MBD3L2: variants seen among roughly 807,000 people sequenced by gnomAD.
The protein encoded by MBD3L2 is methyl-CpG binding domain protein 3 like 2.
For missense variants in MBD3L2, 71 were observed against 84.0 expected, an observed-to-expected ratio of 0.85 and a Z score of 0.60; for synonymous variants, 20 against 33.9, an observed-to-expected ratio of 0.59 and a Z score of 1.42.
At chr19:7,049,769 TA>T (rs568341060) in intron 1 of MBD3L2, among the ~76,000 whole-genome samples, 3,116 of 136,088 alleles carry the variant, frequency 0.023, 1 homozygote, top group African/African-American at 0.078. Flanking sequence ...TTGGTCCCTT[TA>T]AAAAAAAATT....
Position 7,051,567 on chromosome 19 carries a change from A to C in MBD3L2, c.572A>C (p.Lys191Thr). The C allele has an allele frequency of 1.4e-6, 1 of 719,276 alleles. No homozygotes were observed. The highest frequency in any genetic ancestry group is 2.7e-5 in the East Asian group (1 of 37,418). 44.6% of individuals were successfully genotyped at this position (719,276 alleles called of 1,614,324 possible). The change falls in exon 2 of 2, where the codon AAG (lysine) becomes ACG (threonine). Residue 191 changes from lysine (K) to threonine (T), a missense_variant. Coordinates refer to ENST00000381393, the MANE Select transcript of MBD3L2 (RefSeq NM_144614.4). ...RVKKARERLA[K>T]ALQADRLARR... ...AAGAAAGCCAGGGAGAGACTGGCCA[A>C]GGCCTTGCAGGCAGACAGGCTGGCC...
intron 1 of MBD3L2, among the ~76,000 whole-genome samples, chr19:7,050,284 G>A (rs1599823622): frequency 1.4e-5 from 2 of 139,104 alleles, no homozygotes; most frequent in Admixed American, 1.5e-4. Flanking sequence ...AATCTTAGGA[G>A]GGGCTTAATC....
rs1264619727 is a variant in MBD3L2, at chr19:7,051,408, C to G, written c.413C>G (p.Pro138Arg). The G allele has an allele frequency of 2.9e-6, 2 of 687,832 alleles. No homozygotes were observed. Among genetic ancestry groups the G allele is most frequent in the East Asian group, 2.7e-5 (1 of 36,704 alleles). The allele number at this position is 687,832 out of a possible 1,614,324, so 42.6% of individuals were successfully genotyped here. ...GCTGGTGCTGAGCGTGTGCGCAGCC[C>G]GCTTGAGCCCACCCCTGGGCGGTTT... Reference protein sequence around the residue: ...DRAGAERVRSPLEPTPGRFPA... With the variant: ...DRAGAERVRSRLEPTPGRFPA... Residue 138 changes from proline (P) to arginine (R), a missense_variant, in exon 2 of 2, where the codon CCG (proline) becomes CGG (arginine). Transcript: ENST00000381393.
rs1336359925 is a variant in MBD3L2, at chr19:7,051,700, T to C, written c.*78T>C. 8 of 711,226 alleles carry C rather than the reference T, an allele frequency of 1.1e-5. No homozygotes were observed. In the African/African-American group the frequency reaches 1.2e-4, roughly 11 times the overall value. The allele number at this position is 711,226 out of a possible 1,614,324, so 44.1% of individuals were successfully genotyped here. A position where few individuals can be genotyped will look rare whatever the true frequency, so the allele number is the denominator to read the frequency against. ...ACTCTGAATTGTCACACTTTTCCCT[T>C]CCCCACCAGTTCTTTAATAAAAGTA... On this transcript the variant is annotated 3_prime_UTR_variant, in exon 2 of 2. Coordinates refer to ENST00000381393, the MANE Select transcript of MBD3L2 (RefSeq NM_144614.4).
Position 7,051,588 on chromosome 19 carries a change from T to G in MBD3L2, c.593T>G (p.Leu198Arg), listed in dbSNP as rs1599824236. The G allele has an allele frequency of 2.8e-6, 2 of 722,556 alleles. No homozygotes were observed. Among genetic ancestry groups the G allele is most frequent in the Non-Finnish European group, 5.1e-6 (2 of 388,694 alleles). The allele number at this position is 722,556 out of a possible 1,614,324, so 44.8% of individuals were successfully genotyped here. A position where few individuals can be genotyped will look rare whatever the true frequency, so the allele number is the denominator to read the frequency against. ...RLAKALQADR[L>R]ARRAEMLTGG ...GCCAAGGCCTTGCAGGCAGACAGGC[T>G]GGCCAGGCGGGCAGAAATGCTGACA... is the stretch of plus-strand genomic sequence containing the variant. The change falls in exon 2 of 2, where the codon CTG (leucine) becomes CGG (arginine). Residue 198 changes from leucine (L) to arginine (R), a missense_variant. Leu to Arg is a moderately radical substitution (Grantham distance 102). Transcript: ENST00000381393.
chr19:7,051,606 T>A lies in MBD3L2; in HGVS notation c.611T>A (p.Met204Lys), dbSNP rs530553629. 9.1e-5 allele frequency: 66 copies of A among 723,490 alleles called. 4 individuals are homozygous for A. In the East Asian group the frequency reaches 1.7e-3, roughly 19 times the overall value. 44.8% of individuals were successfully genotyped at this position (723,490 alleles called of 1,614,324 possible). The change falls in exon 2 of 2, where the codon ATG becomes AAG. Residue 204 changes from methionine to lysine, a missense_variant. Transcript: ENST00000381393. ...QADRLARRAE[M>K]LTGG ...GACAGGCTGGCCAGGCGGGCAGAAATGCTGACAGGTGGATGAAGCTCAGTC... is the reference window on the plus strand; with the variant it reads ...GACAGGCTGGCCAGGCGGGCAGAAAAGCTGACAGGTGGATGAAGCTCAGTC...
intron 1 of MBD3L2, among the ~76,000 whole-genome samples, chr19:7,049,654 TTTTTAAAA>T (rs1599823269): frequency 1.4e-5 from 2 of 140,572 alleles, no homozygotes; most frequent in South Asian, 2.6e-4. Flanking sequence ...TAGCCCTGAT[TTTTTAAAA>T]GTCCAACAAC....
Position 7,051,575 on chromosome 19 carries a change from C to T in MBD3L2, c.580C>T (p.Gln194Ter), listed in dbSNP as rs756876574. ...KARERLAKALQADRLARRAEM... is the reference protein window; with the variant it reads ...KARERLAKAL ...CAGGGAGAGACTGGCCAAGGCCTTG[C>T]AGGCAGACAGGCTGGCCAGGCGGGC... The change falls in exon 2 of 2, where the codon CAG (glutamine) becomes TAG (stop). Residue 194 changes from glutamine to a stop codon, truncating the protein, a stop_gained. Coordinates refer to ENST00000381393, the MANE Select transcript of MBD3L2 (RefSeq NM_144614.4). LOFTEE classifies it low-confidence loss of function (END_TRUNC). 1.4e-6 allele frequency: 1 copy of T among 720,872 alleles called. No individual in the cohort carries two copies. Among genetic ancestry groups the T allele is most frequent in the Non-Finnish European group, 2.6e-6 (1 of 387,672 alleles). 44.7% of individuals were successfully genotyped at this position (720,872 alleles called of 1,614,324 possible). A position where few individuals can be genotyped will look rare whatever the true frequency, so the allele number is the denominator to read the frequency against.
chr19:7,050,008 CAG>C (rs1248326719), intron 1 of MBD3L2, among the ~76,000 whole-genome samples: 2 of 148,970 alleles, frequency 1.3e-5, no homozygotes, highest in African/African-American at 4.9e-5. Flanking sequence ...TGAAAATCAA[CAG>C]AGTGGTGATT....
chr19:7,051,579 C>A lies in MBD3L2; in HGVS notation c.584C>A (p.Ala195Glu). Residue 195 changes from alanine (A) to glutamate (E), a missense_variant, in exon 2 of 2, where the codon GCA becomes GAA. By Grantham distance (107) the Ala-to-Glu change is moderately radical. Transcript: ENST00000381393. ...GAGAGACTGGCCAAGGCCTTGCAGG[C>A]AGACAGGCTGGCCAGGCGGGCAGAA... ...ARERLAKALQ[A>E]DRLARRAEML... The A allele has an allele frequency of 1.4e-6, 1 of 721,640 alleles. No homozygotes were observed. The highest frequency in any genetic ancestry group is 2.7e-5 in the East Asian group (1 of 37,582). 44.7% of individuals were successfully genotyped at this position (721,640 alleles called of 1,614,324 possible).
At position 7,051,620 on chromosome 19, in the gene MBD3L2, T is replaced by A. The variant is rs1432482960; in HGVS notation, c.625T>A (p.Ter209ArgextTer36). ...ARRAEMLTGG[*>R] ...GCGGGCAGAAATGCTGACAGGTGGA[T>A]GAAGCTCAGTCTTGGGCTTTCGGTC... is the stretch of plus-strand genomic sequence containing the variant. The change falls in exon 2 of 2, where the codon TGA becomes AGA. Residue 209 changes from the stop codon to arginine (R), a stop_lost. Transcript: ENST00000381393. 3 of 721,644 alleles carry A rather than the reference T, an allele frequency of 4.2e-6. No individual in the cohort carries two copies. In the East Asian group the frequency reaches 8.0e-5, roughly 19 times the overall value. 44.7% of individuals were successfully genotyped at this position (721,644 alleles called of 1,614,324 possible). A position where few individuals can be genotyped will look rare whatever the true frequency, so the allele number is the denominator to read the frequency against.
chr19:7,050,563 T>TA, intron 1 of MBD3L2, among the ~76,000 whole-genome samples: 1 of 128,946 alleles, frequency 7.8e-6, no homozygotes, highest in Non-Finnish European at 1.6e-5. Flanking sequence ...GAGGTCTTGG[T>TA]GAACAGGGAA....
Position 7,051,686 on chromosome 19 carries a change from T to C in MBD3L2, c.*64T>C, listed in dbSNP as rs1338106791. The C allele has an allele frequency of 4.2e-6, 3 of 711,568 alleles. No individual in the cohort carries two copies. The African/African-American group carries it at 5.3e-5, about 13-fold the overall frequency. The allele number at this position is 711,568 out of a possible 1,614,324, so 44.1% of individuals were successfully genotyped here. On this transcript the variant is annotated 3_prime_UTR_variant, in exon 2 of 2. Coordinates refer to ENST00000381393, the MANE Select transcript of MBD3L2 (RefSeq NM_144614.4). Reference sequence around the variant, plus strand: ...CCATCCTCATTCCTACTCTGAATTGTCACACTTTTCCCTTCCCCACCAGTT... The same window carrying C: ...CCATCCTCATTCCTACTCTGAATTGCCACACTTTTCCCTTCCCCACCAGTT...
In MBD3L2 at chr19:7,051,365, G is replaced by A. The variant is rs200081225; in HGVS notation, c.370G>A (p.Gly124Ser). ...AAGTATCCTTGCACCGGGGACGGCC[G>A]GTGAATCTCTGGACAGAGCTGGTGC... ...VLSILAPGTA[G>S]ESLDRAGAER... is the part of the protein sequence containing the mutation. The change falls in exon 2 of 2, where the codon GGT (glycine) becomes AGT (serine). Residue 124 changes from glycine to serine, a missense_variant. Gly to Ser is a moderately conservative substitution (Grantham distance 56). Transcript: ENST00000381393. The A allele has an allele frequency of 0.66, 398,429 of 601,404 alleles. 130,887 individuals are homozygous for A. Among genetic ancestry groups the A allele is most frequent in the South Asian group, 0.72 (40,079 of 55,956 alleles). The allele number at this position is 601,404 out of a possible 1,614,324, so 37.3% of individuals were successfully genotyped here.
chr19:7,051,533 A>T lies in MBD3L2; in HGVS notation c.538A>T (p.Arg180Trp). The T allele has an allele frequency of 2.8e-6, 2 of 713,492 alleles. No individual in the cohort carries two copies. The highest frequency in any genetic ancestry group is 5.2e-6 in the Non-Finnish European group (2 of 384,156). The allele number at this position is 713,492 out of a possible 1,614,324, so 44.2% of individuals were successfully genotyped here. Residue 180 changes from arginine (R) to tryptophan (W), a missense_variant, in exon 2 of 2, where the codon AGG becomes TGG. Physicochemically the swap from Arg to Trp is moderately radical, Grantham distance 101 (BLOSUM62 -3). Coordinates refer to ENST00000381393, the MANE Select transcript of MBD3L2 (RefSeq NM_144614.4). The part of the protein sequence containing the change: ...VTPADIRRQA[R>W]RVKKARERLA... ...TCCTGCAGATATCCGGAGACAGGCC[A>T]GGAGGGTGAAGAAAGCCAGGGAGAG...
Position 7,051,582 on chromosome 19 carries a change from A to T in MBD3L2, c.587A>T (p.Asp196Val). 1 of 721,962 alleles carries T rather than the reference A, an allele frequency of 1.4e-6. No homozygotes were observed. The highest frequency in any genetic ancestry group is 2.6e-6 in the Non-Finnish European group (1 of 388,346). The allele number at this position is 721,962 out of a possible 1,614,324, so 44.7% of individuals were successfully genotyped here. ...AGACTGGCCAAGGCCTTGCAGGCAGACAGGCTGGCCAGGCGGGCAGAAATG... is the reference window on the plus strand; with the variant it reads ...AGACTGGCCAAGGCCTTGCAGGCAGTCAGGCTGGCCAGGCGGGCAGAAATG... ...RERLAKALQADRLARRAEMLT... is the reference protein window; with the variant it reads ...RERLAKALQAVRLARRAEMLT... Residue 196 changes from aspartate to valine, a missense_variant, in exon 2 of 2, where the codon GAC (aspartate) becomes GTC (valine). Coordinates refer to ENST00000381393, the MANE Select transcript of MBD3L2 (RefSeq NM_144614.4).
rs185575432 is a variant in MBD3L2 at position 7,051,596 on chromosome 19, C to T, written c.601C>T (p.Arg201Trp). 1.4e-5 allele frequency: 10 copies of T among 722,922 alleles called. No homozygotes were observed. The highest frequency in any genetic ancestry group is 4.0e-5 in the Admixed American group (2 of 50,404). The allele number at this position is 722,922 out of a possible 1,614,324, so 44.8% of individuals were successfully genotyped here. Residue 201 changes from arginine to tryptophan, a missense_variant, in exon 2 of 2, where the codon CGG becomes TGG. Coordinates refer to ENST00000381393, the MANE Select transcript of MBD3L2 (RefSeq NM_144614.4). ...CTTGCAGGCAGACAGGCTGGCCAGG[C>T]GGGCAGAAATGCTGACAGGTGGATG... ...KALQADRLAR[R>W]AEMLTGG
Position 7,051,626 on chromosome 19 carries a change from T to C in MBD3L2, c.*4T>C, listed in dbSNP as rs62123316. 1 of 695,868 alleles carries C rather than the reference T, an allele frequency of 1.4e-6. No individual in the cohort carries two copies. Among genetic ancestry groups the C allele is most frequent in the African/African-American group, 1.8e-5 (1 of 55,634 alleles). 43.1% of individuals were successfully genotyped at this position (695,868 alleles called of 1,614,324 possible). A position where few individuals can be genotyped will look rare whatever the true frequency, so the allele number is the denominator to read the frequency against. On this transcript the variant is annotated 3_prime_UTR_variant, in exon 2 of 2. Coordinates refer to ENST00000381393, the MANE Select transcript of MBD3L2 (RefSeq NM_144614.4). ...AGAAATGCTGACAGGTGGATGAAGC[T>C]CAGTCTTGGGCTTTCGGTCCCTTTC...
At chr19:7,050,924 T>C in intron 1 of MBD3L2, 117 bp from the exon 2 acceptor site, 1 of 91,578 alleles carries the variant, frequency 1.1e-5, no homozygotes, top group South Asian at 9.6e-5. Context: ...TTGAGACACA[T>C]TTCCCCAGAA....
Sources: gnomAD v4.1 joint callset for allele counts (sites outside exome capture counted in the v4.1 genomes callset) on GRCh38, gnomAD v4.1.1 for gene constraint, MANE v1.5 for transcripts, NCBI Gene and HGNC (gene_info 2026-07-23, HGNC 2026-07-21) for gene names.